Variants in SLIT2 observed in about 807,000 individuals in gnomAD.
SLIT2 encodes slit homolog 2 protein.
A neutral mutation model predicts 185.7 loss-of-function variants in SLIT2; 41 were observed. That is an observed-to-expected ratio of 0.22 (90% CI 0.17 to 0.29). SLIT2 has a LOEUF of 0.29. Among genes scored for constraint, SLIT2 ranks in the 10% least tolerant of loss-of-function variants. The pLI, the probability that SLIT2 is intolerant of heterozygous loss-of-function variation, is 1.00. For synonymous variants in SLIT2, 693 were observed against 680.2 expected (o/e 1.02, Z -0.29); for missense variants, 1,571 against 1,909.0 (o/e 0.82, Z 3.30).
intron 4 of SLIT2, among the ~76,000 whole-genome samples, chr4:20,335,636 A>T (rs1405406815): frequency 6.6e-6 from 1 of 152,162 alleles, no homozygotes; most frequent in Non-Finnish European, 1.5e-5. Context: ...GCACTGGGTC[A>T]TCAGATCTCA....
intron 4 of SLIT2, among the ~76,000 whole-genome samples, chr4:20,437,444 G>A (rs952511242): frequency 1.3e-5 from 2 of 152,060 alleles, no homozygotes; most frequent in African/African-American, 4.8e-5. Flanking sequence ...GGGAGACCCT[G>A]TCTCTACAAA....
rs147151420 is a variant in SLIT2, at chr4:20,617,835, T to A, written c.4348+185T>A. 6.5e-4 allele frequency among the ~76,000 whole-genome samples: 99 copies of A among 152,238 alleles called. 2 individuals carry two copies. The East Asian group carries it at 0.016, about 25-fold the overall frequency. The stretch of plus-strand genomic sequence containing the variant: ...CTTGCAGTTGCTGCTATTGATTTAT[T>A]TTCAAGTATTTTGAAGGCACCAGCT... On this transcript the variant is annotated intron_variant, in intron 36 of 36. Coordinates refer to ENST00000504154, the MANE Select transcript of SLIT2 (RefSeq NM_004787.4).
intron 9 of SLIT2, among the ~76,000 whole-genome samples, chr4:20,494,903 C>G (rs866261491): frequency 6.6e-6 from 1 of 151,980 alleles, no homozygotes; most frequent in Non-Finnish European, 1.5e-5. Flanking sequence ...TTGAAACCAT[C>G]AACTGTCTAA....
At chr4:20,462,552 C>T (rs918679655) in intron 4 of SLIT2, among the ~76,000 whole-genome samples, 3 of 152,170 alleles carry the variant, frequency 2.0e-5, no homozygotes, top group African/African-American at 4.8e-5. Context: ...CAGATGCTAA[C>T]TCCTAACTTT....
At chr4:20,291,469 T>C (rs1715828208) in intron 4 of SLIT2, among the ~76,000 whole-genome samples, 1 of 8,550 alleles carries the variant, frequency 1.2e-4, no homozygotes, top group Admixed American at 1.4e-3. Context: ...TATATATATA[T>C]ATATATATAT....
In SLIT2 at chr4:20,619,411, C is replaced by G. The variant is rs1429264544; in HGVS notation, c.*402C>G. ...TTCACATCAACCAAGTTCACTAGGA[C>G]ATACCAAGCACATGCGTGTGAATGA... On this transcript the variant is annotated 3_prime_UTR_variant, in exon 37 of 37. Transcript: ENST00000504154. 2 of 154,818 alleles carry G rather than the reference C, an allele frequency of 1.3e-5. No individual in the cohort carries two copies. The highest frequency in any genetic ancestry group is 4.8e-5 in the African/African-American group (2 of 41,476). The allele number at this position is 154,818 out of a possible 1,614,324, so 9.6% of individuals were successfully genotyped here. A position where few individuals can be genotyped will look rare whatever the true frequency, so the allele number is the denominator to read the frequency against.
At chr4:20,420,047 T>C (rs1299800617) in intron 4 of SLIT2, among the ~76,000 whole-genome samples, 1 of 152,128 alleles carries the variant, frequency 6.6e-6, no homozygotes, top group African/African-American at 2.4e-5. Flanking sequence ...AAATGGTAGA[T>C]TTGAACAATA....
At chr4:20,582,818 G>C (rs1013923552) in intron 29 of SLIT2, among the ~76,000 whole-genome samples, 6 of 152,044 alleles carry the variant, frequency 3.9e-5, no homozygotes, top group Non-Finnish European at 5.9e-5. Context: ...TGCACTTTGG[G>C]GCCATTATTA....
intron 4 of SLIT2, among the ~76,000 whole-genome samples, chr4:20,396,268 C>T (rs552654017): frequency 4.6e-5 from 7 of 151,954 alleles, no homozygotes; most frequent in African/African-American, 1.7e-4. Flanking sequence ...CTGTCATCAG[C>T]ACTTTTTTTC....
At chr4:20,410,897 C>T (rs1448790737) in intron 4 of SLIT2, among the ~76,000 whole-genome samples, 3 of 151,922 alleles carry the variant, frequency 2.0e-5, no homozygotes, top group Non-Finnish European at 4.4e-5. Flanking sequence ...GACTATAGGG[C>T]TCTTTTTTTG....
At position 20,549,010 on chromosome 4, in the gene SLIT2, A is replaced by G. The variant is rs141863393; in HGVS notation, c.2418-47A>G. ...GCTTTATTTTTGGAAGTATTTGGCC[A>G]TTTTTGGATTTCTGAATAAAACAAA... On this transcript the variant is annotated intron_variant, in intron 23 of 36. Coordinates refer to ENST00000504154, the MANE Select transcript of SLIT2 (RefSeq NM_004787.4). The G allele has an allele frequency of 8.9e-6, 10 of 1,129,612 alleles. No individual in the cohort carries two copies. The African/African-American group carries it at 1.5e-4, about 17-fold the overall frequency. 70.0% of individuals were successfully genotyped at this position (1,129,612 alleles called of 1,614,324 possible). A position where few individuals can be genotyped will look rare whatever the true frequency, so the allele number is the denominator to read the frequency against.
At chr4:20,406,013 A>G (rs1726751509) in intron 4 of SLIT2, among the ~76,000 whole-genome samples, 1 of 144,192 alleles carries the variant, frequency 6.9e-6, no homozygotes, top group Admixed American at 7.1e-5. Context: ...GTCACTTTTG[A>G]GCTAATTCAG....
chr4:20,549,690 C>T (rs926575222), intron 24 of SLIT2, among the ~76,000 whole-genome samples: 1 of 151,448 alleles, frequency 6.6e-6, no homozygotes, highest in Admixed American at 6.6e-5. Flanking sequence ...CTGCCATTGT[C>T]TATTTTTGTT....
At chr4:20,522,906 C>A (rs1044511367) in intron 12 of SLIT2, among the ~76,000 whole-genome samples, 2 of 151,860 alleles carry the variant, frequency 1.3e-5, no homozygotes, top group Non-Finnish European at 2.9e-5. Context: ...GGTAGGGAGG[C>A]AGGCATATAG....
intron 30 of SLIT2, among the ~76,000 whole-genome samples, chr4:20,595,351 A>C (rs1261961462): frequency 2.6e-5 from 4 of 152,136 alleles, no homozygotes; most frequent in African/African-American, 9.7e-5. Context: ...CCAAACTGAA[A>C]ATATAGGGCA....
chr4:20,392,286 A>G (rs966771046), intron 4 of SLIT2: 3 of 152,102 alleles, frequency 2.0e-5, no homozygotes, highest in African/African-American at 7.2e-5. Flanking sequence ...GTATCTGAAC[A>G]TACCGAAATA....
At chr4:20,401,487 TGAAGA>T (rs1388497844) in intron 4 of SLIT2, among the ~76,000 whole-genome samples, 2 of 151,808 alleles carry the variant, frequency 1.3e-5, no homozygotes, top group Non-Finnish European at 2.9e-5. Flanking sequence ...ACAAAGCTTG[TGAAGA>T]GGGCTCTTCA....
Position 20,257,922 on chromosome 4 carries a change from T to C in SLIT2, c.306T>C (p.Leu102=). Residue 102 remains leucine (L), a synonymous_variant, in exon 3 of 37, where the codon CTT becomes CTC. Coordinates refer to ENST00000504154, the MANE Select transcript of SLIT2 (RefSeq NM_004787.4). The stretch of plus-strand genomic sequence containing the variant: ...TTGAAAGAGGAGCATTCCAGGATCT[T>C]AAAGAACTAGAGAGACTGTAAGTAT... ...STIERGAFQD[L]KELERLRLNR... 6.5e-7 allele frequency: 1 copy of C among 1,541,808 alleles called. No individual in the cohort carries two copies. The highest frequency in any genetic ancestry group is 8.9e-7 in the Non-Finnish European group (1 of 1,117,616).
At chr4:20,492,297 A>G (rs1012371232) in intron 9 of SLIT2, among the ~76,000 whole-genome samples, 1 of 152,172 alleles carries the variant, frequency 6.6e-6, no homozygotes, top group African/African-American at 2.4e-5. Context: ...CCTCCTCGAG[A>G]GCTCATGTTT....
Sources: allele counts gnomAD v4.1 joint callset (sites outside exome capture counted in the v4.1 genomes callset), GRCh38; gene constraint gnomAD v4.1.1; transcripts MANE v1.5; gene names NCBI Gene and HGNC (gene_info 2026-07-23, HGNC 2026-07-21).